Variants in ATXN1 observed in about 807,000 individuals in gnomAD.
ATXN1 encodes the protein ataxin 1.
A neutral mutation model predicts 56.4 loss-of-function variants in ATXN1; 8 were observed. That is an observed-to-expected ratio of 0.14 (90% CI 0.08 to 0.26). The LOEUF (loss-of-function observed/expected upper bound fraction) is 0.26. Ranked by LOEUF, ATXN1 falls within the 10% of genes least tolerant of loss-of-function variation. The pLI is 1.00. For synonymous variants in ATXN1, 514 were observed against 494.6 expected (o/e 1.04, Z -0.52); for missense variants, 987 against 1,106.5 (o/e 0.89, Z 1.53).
At chr6:16,496,810 C>T (rs893704068) in intron 5 of ATXN1, among the ~76,000 whole-genome samples, 12 of 151,988 alleles carry the variant, frequency 7.9e-5, no homozygotes, top group African/African-American at 2.9e-4. Context: ...TTAGCATCAT[C>T]TATGTGTCAC....
At position 16,498,256 on chromosome 6, in the gene ATXN1, G is replaced by A. The variant is rs1404418086; in HGVS notation, c.-298-12147C>T. Among the ~76,000 whole-genome samples, 3 of 152,192 alleles carry A rather than the reference G, an allele frequency of 2.0e-5. No individual in the cohort carries two copies. The South Asian group carries it at 6.2e-4, about 32-fold the overall frequency. On this transcript the variant is annotated intron_variant, in intron 5 of 7. Coordinates refer to ENST00000436367, the MANE Select transcript of ATXN1 (RefSeq NM_001128164.2). ...AATCATACAATATGTGGCCTTTTGT[G>A]TCTGGCTGCTTTCTCTTGGCATAAT...
intron 2 of ATXN1, among the ~76,000 whole-genome samples, chr6:16,749,090 T>A (rs745625660): frequency 6.6e-6 from 1 of 152,172 alleles, no homozygotes; most frequent in Admixed American, 6.5e-5. Flanking sequence ...ATATACAGTA[T>A]ACACGCACGC....
intron 6 of ATXN1, among the ~76,000 whole-genome samples, chr6:16,374,099 A>G (rs1366804078): frequency 2.6e-5 from 4 of 151,196 alleles, no homozygotes; most frequent in Admixed American, 2.6e-4. Context: ...AGCATCTGCT[A>G]TATACCTCGA....
intron 6 of ATXN1, among the ~76,000 whole-genome samples, chr6:16,356,927 G>T (rs892022527): frequency 8.5e-5 from 13 of 152,238 alleles, no homozygotes; most frequent in Non-Finnish European, 1.3e-4. Context: ...GAAAGCAGGG[G>T]TCATATAAAA....
intron 2 of ATXN1, among the ~76,000 whole-genome samples, chr6:16,702,424 G>C (rs200982333): frequency 1.3e-5 from 2 of 152,206 alleles, no homozygotes; most frequent in East Asian, 3.9e-4. Context: ...CATAGGCATG[G>C]GCAACGACTT....
At chr6:16,459,079 C>T (rs1011364961) in intron 6 of ATXN1, among the ~76,000 whole-genome samples, 3 of 152,252 alleles carry the variant, frequency 2.0e-5, no homozygotes, top group African/African-American at 7.2e-5. Context: ...TCTCCCACCT[C>T]CTCAGTTGTA....
chr6:16,505,792 C>A (rs1487469419), intron 5 of ATXN1, among the ~76,000 whole-genome samples: 1 of 152,152 alleles, frequency 6.6e-6, no homozygotes, highest in East Asian at 1.9e-4. Flanking sequence ...AATAAGATGA[C>A]TGAGAACATA....
At chr6:16,457,263 C>G (rs1759895018) in intron 6 of ATXN1, among the ~76,000 whole-genome samples, 1 of 152,102 alleles carries the variant, frequency 6.6e-6, no homozygotes, top group South Asian at 2.1e-4. Context: ...CTAAATCTGA[C>G]CTTCCTCAGT....
intron 2 of ATXN1, among the ~76,000 whole-genome samples, chr6:16,680,940 T>C (rs1195189985): frequency 1.3e-5 from 2 of 152,186 alleles, no homozygotes; most frequent in Admixed American, 1.3e-4. Context: ...TTAGCCTCTA[T>C]CGATTGAGTG....
chr6:16,585,071 T>TA (rs1259577115), intron 4 of ATXN1, among the ~76,000 whole-genome samples: 169 of 142,044 alleles, frequency 1.2e-3, no homozygotes, highest in Admixed American at 6.5e-3. Context: ...CATCACTATA[T>TA]AAAAAAAAAA....
chr6:16,502,407 C>T (rs997125863), intron 5 of ATXN1, among the ~76,000 whole-genome samples: 3 of 152,168 alleles, frequency 2.0e-5, no homozygotes, highest in African/African-American at 7.2e-5. Flanking sequence ...TATATCAAGA[C>T]ATTTAAGAGA....
intron 2 of ATXN1, among the ~76,000 whole-genome samples, chr6:16,698,692 G>T (rs78334148): frequency 2.9e-5 from 4 of 139,284 alleles, no homozygotes; most frequent in South Asian, 2.4e-4. Context: ...AAGCTAAAAA[G>T]ACATGACCAA....
At chr6:16,542,458 C>T (rs943932549) in intron 4 of ATXN1, among the ~76,000 whole-genome samples, 3 of 152,176 alleles carry the variant, frequency 2.0e-5, no homozygotes, top group African/African-American at 7.2e-5. Flanking sequence ...AGCCTTAATT[C>T]ACACAGTGCT....
At chr6:16,575,215 G>A (rs1762401461) in intron 4 of ATXN1, among the ~76,000 whole-genome samples, 1 of 150,848 alleles carries the variant, frequency 6.6e-6, no homozygotes, top group African/African-American at 2.5e-5. Flanking sequence ...AAAATTCTAC[G>A]AATTTCCTGT....
intron 3 of ATXN1, among the ~76,000 whole-genome samples, chr6:16,636,548 C>T (rs1253036658): frequency 6.6e-6 from 1 of 152,224 alleles, no homozygotes; most frequent in African/African-American, 2.4e-5. Flanking sequence ...GCATGGGCAC[C>T]TTCTGCCCAT....
At chr6:16,447,054 T>C (rs1759650379) in intron 6 of ATXN1, among the ~76,000 whole-genome samples, 1 of 152,184 alleles carries the variant, frequency 6.6e-6, no homozygotes, top group African/African-American at 2.4e-5. Context: ...CCCTTATCCT[T>C]AACACACAGA....
At chr6:16,669,563 A>G (rs1292112218) in intron 2 of ATXN1, among the ~76,000 whole-genome samples, 1 of 152,128 alleles carries the variant, frequency 6.6e-6, no homozygotes, top group Non-Finnish European at 1.5e-5. Context: ...CTCTACTACA[A>G]AAGGCAGTTT....
chr6:16,723,192 T>C (rs2113472404), intron 2 of ATXN1, among the ~76,000 whole-genome samples: 1 of 152,042 alleles, frequency 6.6e-6, no homozygotes, highest in Non-Finnish European at 1.5e-5. Context: ...TTGGACTATT[T>C]ACTTTTCAGT....
chr6:16,565,313 A>T (rs146777083), intron 4 of ATXN1, among the ~76,000 whole-genome samples: 74 of 152,310 alleles, frequency 4.9e-4, no homozygotes, highest in African/African-American at 1.4e-3. Flanking sequence ...TCCACCTAAT[A>T]GGCCACATCA....
Sources: allele counts gnomAD v4.1 joint callset (sites outside exome capture counted in the v4.1 genomes callset), GRCh38; gene constraint gnomAD v4.1.1; transcripts MANE v1.5; gene names NCBI Gene and HGNC (gene_info 2026-07-23, HGNC 2026-07-21).